AFF2: variants seen among roughly 807,000 people sequenced by gnomAD.
AFF2 encodes the protein ALF transcription elongation factor 2.
AFF2 carries 14 observed loss-of-function variants against 76.9 expected under a neutral mutation model. The ratio of observed to expected loss-of-function variants is 0.18; its 90% CI spans 0.12 to 0.28. The LOEUF (loss-of-function observed/expected upper bound fraction) is 0.28. Among genes scored for constraint, AFF2 ranks in the 10% least tolerant of loss-of-function variants. The pLI is 1.00. For synonymous variants in AFF2, 398 were observed against 366.7 expected, an observed-to-expected ratio of 1.09 and a Z score of -0.98; for missense variants, 868 against 1,001.1, an observed-to-expected ratio of 0.87 and a Z score of 1.79.
At chrX:148,588,497 G>C (rs782793116) in intron 1 of AFF2, among the ~76,000 whole-genome samples, 1 of 112,524 alleles carries the variant, frequency 8.9e-6, no homozygotes, top group Admixed American at 9.4e-5. Flanking sequence ...TATTGAGTTT[G>C]CGGAGTCGTT....
At chrX:148,598,669 C>T (rs893811001) in intron 1 of AFF2, among the ~76,000 whole-genome samples, 7 of 112,131 alleles carry the variant, frequency 6.2e-5, no homozygotes, top group Non-Finnish European at 1.3e-4. Flanking sequence ...TAAAAACCTA[C>T]TACCCTTTCC....
At chrX:148,861,062 G>GTT (rs1170365257) in intron 7 of AFF2, among the ~76,000 whole-genome samples, 1 of 111,655 alleles carries the variant, frequency 9.0e-6, no homozygotes, top group Non-Finnish European at 1.9e-5. Context: ...ATCCAATTGT[G>GTT]TTTATTTGTG....
At chrX:148,660,436 C>A (rs1206418671) in intron 2 of AFF2, among the ~76,000 whole-genome samples, 2 of 111,942 alleles carry the variant, frequency 1.8e-5, no homozygotes, top group Non-Finnish European at 3.8e-5. Flanking sequence ...GCCCTCTAGC[C>A]ATCTGCATAT....
chrX:148,694,677 C>T (rs2054693234), intron 3 of AFF2, among the ~76,000 whole-genome samples: 1 of 111,428 alleles, frequency 9.0e-6, no homozygotes, highest in South Asian at 3.7e-4. Context: ...CTGCTAATGT[C>T]ATTTAATTTA....
At chrX:148,559,234 A>G (rs2053083756) in intron 1 of AFF2, among the ~76,000 whole-genome samples, 1 of 111,776 alleles carries the variant, frequency 8.9e-6, no homozygotes, top group Admixed American at 9.5e-5. Context: ...TTTGTGAAAA[A>G]TCAAGACGCA....
chrX:148,601,998 T>A (rs2053631074), intron 1 of AFF2, among the ~76,000 whole-genome samples: 1 of 112,003 alleles, frequency 8.9e-6, no homozygotes, highest in Admixed American at 9.5e-5. Context: ...CAAGTGATAC[T>A]GTTATGAATT....
At chrX:148,521,414 A>ACACACACACT (rs782717428) in intron 1 of AFF2, among the ~76,000 whole-genome samples, 1 of 103,104 alleles carries the variant, frequency 9.7e-6, no homozygotes, top group African/African-American at 3.6e-5. Flanking sequence ...ACACACACTC[A>ACACACACACT]CTGAGACTTT....
intron 8 of AFF2, among the ~76,000 whole-genome samples, chrX:148,900,749 GA>G (rs1354008286): frequency 2.7e-5 from 3 of 111,741 alleles, no homozygotes; most frequent in African/African-American, 9.8e-5. Context: ...AAGAGAGAAA[GA>G]AAAGTAGAGA....
chrX:148,720,578 A>C (rs1174481168), intron 3 of AFF2, among the ~76,000 whole-genome samples: 2 of 111,462 alleles, frequency 1.8e-5, no homozygotes, highest in Non-Finnish European at 3.8e-5. Flanking sequence ...GCTATTCCTC[A>C]GTGCTTTTTA....
At chrX:148,699,954 T>G (rs1044682723) in intron 3 of AFF2, among the ~76,000 whole-genome samples, 2 of 112,091 alleles carry the variant, frequency 1.8e-5, no homozygotes, top group Non-Finnish European at 3.8e-5. Flanking sequence ...AAACACACAG[T>G]AATTTATGCA....
Position 148,617,272 on chromosome X carries a change from G to A in AFF2, c.48-34727G>A, listed in dbSNP as rs372800895. Among the ~76,000 whole-genome samples, 244 of 111,902 alleles carry A rather than the reference G, an allele frequency of 2.2e-3. 1 individual carries two copies. The highest frequency in any genetic ancestry group is 8.5e-3 in the East Asian group (30 of 3,520). On this transcript the variant is annotated intron_variant, in intron 1 of 20. Transcript: ENST00000370460. ...CTTTTTAATGATCGCCATTCTAACCGGTGTGAGATGGTATCTCATTGTGGT... is the reference window on the plus strand; with the variant it reads ...CTTTTTAATGATCGCCATTCTAACCAGTGTGAGATGGTATCTCATTGTGGT...
chrX:148,629,317 A>G (rs782538343), intron 1 of AFF2, among the ~76,000 whole-genome samples: 2 of 111,865 alleles, frequency 1.8e-5, no homozygotes, highest in Non-Finnish European at 3.8e-5. Context: ...ACTTTGAGAT[A>G]AAGCTTTATA....
intron 3 of AFF2, among the ~76,000 whole-genome samples, chrX:148,690,485 TACTC>T (rs1371079399): frequency 9.0e-6 from 1 of 111,719 alleles, no homozygotes; most frequent in Admixed American, 9.5e-5. Flanking sequence ...AGAATGAACT[TACTC>T]AGGACTATGT....
chrX:148,978,319 A>G (rs1269356416), intron 17 of AFF2, 43 bp from the exon 18 acceptor site: 1 of 945,584 alleles, frequency 1.1e-6, no homozygotes, highest in Non-Finnish European at 1.5e-6. Context: ...ATAAAGTTTC[A>G]CTAAGCACTG....
At chrX:148,697,006 T>C (rs2054729814) in intron 3 of AFF2, among the ~76,000 whole-genome samples, 2 of 112,462 alleles carry the variant, frequency 1.8e-5, no homozygotes, top group Admixed American at 1.9e-4. Flanking sequence ...TAATTAAATT[T>C]AGTATTGCAT....
intron 9 of AFF2, among the ~76,000 whole-genome samples, chrX:148,930,646 G>A (rs899651698): frequency 5.3e-5 from 6 of 112,303 alleles, no homozygotes; most frequent in Admixed American, 2.8e-4. Flanking sequence ...TTTCAATTGC[G>A]TTGGTCCCAA....
chrX:148,638,766 A>G (rs1169917684), intron 1 of AFF2, among the ~76,000 whole-genome samples: 1 of 111,064 alleles, frequency 9.0e-6, no homozygotes, highest in African/African-American at 3.3e-5. Flanking sequence ...CTCATTCACT[A>G]TGGCAAGTAC....
intron 3 of AFF2, among the ~76,000 whole-genome samples, chrX:148,782,467 G>T: frequency 9.0e-6 from 1 of 111,685 alleles, no homozygotes; most frequent in East Asian, 2.8e-4. Flanking sequence ...TTGATATCTG[G>T]TTAAGAAATA....
At position 148,601,631 on chromosome X, in the gene AFF2, A is replaced by G. The variant is rs535008477; in HGVS notation, c.48-50368A>G. On this transcript the variant is annotated intron_variant, in intron 1 of 20. Transcript: ENST00000370460. ...GGCATATCTTTTTTTTCTCCCTCCA[A>G]CGAGAAAGTAGGAATTTCTTAAGGT... 1.6e-4 allele frequency among the ~76,000 whole-genome samples: 18 copies of G among 111,295 alleles called. No homozygotes were observed. In the Middle Eastern group the frequency reaches 0.014, roughly 86 times the overall value.
Sources: allele counts gnomAD v4.1 joint callset (sites outside exome capture counted in the v4.1 genomes callset), GRCh38; gene constraint gnomAD v4.1.1; transcripts MANE v1.5; gene names NCBI Gene and HGNC (gene_info 2026-07-23, HGNC 2026-07-21).